Variants in PPFIBP1 observed in about 807,000 individuals in gnomAD.
PPFIBP1 encodes the protein PPFIB scaffold protein 1, also known as liprin-beta-1.
PPFIBP1 carries 112 observed loss-of-function variants against 137.8 expected under a neutral mutation model. The ratio of observed to expected loss-of-function variants is 0.81; its 90% CI spans 0.70 to 0.95. The LOEUF (loss-of-function observed/expected upper bound fraction) is 0.95. Among genes scored for constraint, PPFIBP1 ranks in the 40% least tolerant of loss-of-function variants. The pLI is 0.00. For synonymous variants in PPFIBP1, 378 were observed against 417.3 expected (o/e 0.91, Z 1.15); for missense variants, 1,083 against 1,196.6 (o/e 0.91, Z 1.40).
At chr12:27,655,264 A>G (rs1424456494) in intron 8 of PPFIBP1, 1 of 1,389,058 alleles carries the variant, frequency 7.2e-7, no homozygotes, top group African/African-American at 1.4e-5. Flanking sequence ...GATGGGGTCC[A>G]TGGCCTGTTG....
At chr12:27,544,733 C>T (rs1946050080) in intron 1 of PPFIBP1, among the ~76,000 whole-genome samples, 1 of 152,188 alleles carries the variant, frequency 6.6e-6, no homozygotes, top group African/African-American at 2.4e-5. Context: ...ATTAAATAGT[C>T]TGGAAACAAC....
chr12:27,673,228 T>G (rs1446233652), intron 15 of PPFIBP1, among the ~76,000 whole-genome samples: 2 of 152,196 alleles, frequency 1.3e-5, no homozygotes, highest in Non-Finnish European at 2.9e-5. Flanking sequence ...ATGTTTATAG[T>G]GTCTCTTTGC....
At position 27,692,624 on chromosome 12, in the gene PPFIBP1, G is replaced by A; in HGVS notation, c.2899G>A (p.Gly967Ser). The A allele has an allele frequency of 1.9e-6, 3 of 1,614,012 alleles. No homozygotes were observed. Among genetic ancestry groups the A allele is most frequent in the Non-Finnish European group, 2.5e-6 (3 of 1,179,990 alleles). Reference sequence around the variant, plus strand: ...TTCAGAAGGGACAGTGAGACAGATAGGTGCATTCTCTGAAGGCATCAACAA... The same window carrying A: ...TTCAGAAGGGACAGTGAGACAGATAAGTGCATTCTCTGAAGGCATCAACAA... The part of the protein sequence containing the change: ...EDSEGTVRQI[G>S]AFSEGINNLT... The change falls in exon 29 of 30, where the codon GGT (glycine) becomes AGT (serine). Residue 967 changes from glycine (G) to serine (S), a missense_variant. By Grantham distance (56) the Gly-to-Ser change is moderately conservative (BLOSUM62 0). Transcript: ENST00000228425.
intron 2 of PPFIBP1, among the ~76,000 whole-genome samples, chr12:27,587,386 C>T (rs2051892965): frequency 6.6e-6 from 1 of 151,992 alleles, no homozygotes; most frequent in African/African-American, 2.4e-5. Context: ...CTTTGGGAGG[C>T]CGAGGCGGGC....
chr12:27,591,149 T>A (rs2052471814), intron 2 of PPFIBP1, among the ~76,000 whole-genome samples: 1 of 151,754 alleles, frequency 6.6e-6, no homozygotes, highest in Non-Finnish European at 1.5e-5. Flanking sequence ...TTGCTAAATA[T>A]TTGTAGAAGG....
rs765472491 is a variant in PPFIBP1, at chr12:27,675,007, A to AT, written c.1410+792dup. ...TTTTTTTTCGTTTGTTTTTTTTTTT[A>AT]TTTTTTATTTTTTAAGTACAGATGA... On this transcript the variant is annotated intron_variant, in intron 17 of 29. Transcript: ENST00000228425. Among the ~76,000 whole-genome samples the AT allele has an allele frequency of 1.1e-3, 141 of 126,234 alleles. 2 individuals carry two copies. Among genetic ancestry groups the AT allele is most frequent in the Admixed American group, 7.8e-3 (98 of 12,514 alleles). 82.8% of individuals were successfully genotyped at this position (126,234 alleles called of 152,430 possible).
At chr12:27,615,958 G>A (rs1480194421) in intron 2 of PPFIBP1, among the ~76,000 whole-genome samples, 2 of 152,130 alleles carry the variant, frequency 1.3e-5, no homozygotes, top group Admixed American at 1.3e-4. Context: ...GCAATTTGGG[G>A]GAGACATTTA....
chr12:27,619,138 G>A (rs753882861), intron 2 of PPFIBP1, among the ~76,000 whole-genome samples: 12 of 151,774 alleles, frequency 7.9e-5, no homozygotes, highest in South Asian at 4.2e-4. Flanking sequence ...AGGCACAGCC[G>A]TCACTGGGTA....
At chr12:27,568,208 G>T (rs899316416) in intron 1 of PPFIBP1, among the ~76,000 whole-genome samples, 2 of 152,222 alleles carry the variant, frequency 1.3e-5, no homozygotes, top group African/African-American at 4.8e-5. Context: ...AAGAGAAGTT[G>T]TCATTAATGC....
chr12:27,664,605 A>C (rs1376491298), intron 12 of PPFIBP1, among the ~76,000 whole-genome samples, 159 bp downstream of exon 12: 1 of 150,952 alleles, frequency 6.6e-6, no homozygotes, highest in African/African-American at 2.4e-5. Context: ...TCTGCCAGAA[A>C]GTGTCCAGCC....
At chr12:27,558,262 T>TTTTTTTTTTG (rs1555192266) in intron 1 of PPFIBP1, among the ~76,000 whole-genome samples, 1 of 148,278 alleles carries the variant, frequency 6.7e-6, no homozygotes, top group East Asian at 2.0e-4. Flanking sequence ...CTGGGTTTTT[T>TTTTTTTTTTG]TTTTGTTTTG....
rs781153220 is a variant in PPFIBP1 at position 27,646,191 on chromosome 12, A to G, written c.357+43A>G. 6.0e-6 allele frequency: 9 copies of G among 1,488,372 alleles called. No homozygotes were observed. In the Admixed American group the frequency reaches 8.5e-5, roughly 14 times the overall value. The allele number at this position is 1,488,372 out of a possible 1,614,324, so 92.2% of individuals were successfully genotyped here. A position where few individuals can be genotyped will look rare whatever the true frequency, so the allele number is the denominator to read the frequency against. ...ACTGTTCTTTCCTTGCAGCATACTT[A>G]CAAAGCCTTTTAAATTGGGGTGGCA... On this transcript the variant is annotated intron_variant, in intron 5 of 29. Coordinates refer to ENST00000228425, the MANE Select transcript of PPFIBP1 (RefSeq NM_003622.4).
intron 4 of PPFIBP1, among the ~76,000 whole-genome samples, chr12:27,638,502 T>G (rs1365948849): frequency 1.0e-5 from 1 of 96,898 alleles, no homozygotes; most frequent in African/African-American, 3.3e-5. Context: ...TGTCTTGGTT[T>G]TCTGGTCTGT....
At chr12:27,640,256 C>T (rs1212234870) in intron 4 of PPFIBP1, among the ~76,000 whole-genome samples, 1 of 152,126 alleles carries the variant, frequency 6.6e-6, no homozygotes, top group Non-Finnish European at 1.5e-5. Context: ...AGAGGTTTCC[C>T]TGTTCCTTTG....
intron 2 of PPFIBP1, among the ~76,000 whole-genome samples, chr12:27,611,902 G>T (rs1565869391): frequency 6.6e-6 from 1 of 152,018 alleles, no homozygotes; most frequent in African/African-American, 2.4e-5. Context: ...AGGGGACCAC[G>T]TCTTTCCCCC....
chr12:27,617,772 G>A (rs1351081153), intron 2 of PPFIBP1, among the ~76,000 whole-genome samples: 1 of 152,138 alleles, frequency 6.6e-6, no homozygotes, highest in Non-Finnish European at 1.5e-5. Flanking sequence ...CATGGATACA[G>A]AGGGCTGACT....
At chr12:27,692,683 G>T (rs1314502574) in intron 29 of PPFIBP1, 27 bp downstream of exon 29, 1 of 1,613,988 alleles carries the variant, frequency 6.2e-7, no homozygotes, top group Non-Finnish European at 8.5e-7. Context: ...AATTGAAAAT[G>T]TTATTCTATA....
intron 1 of PPFIBP1, among the ~76,000 whole-genome samples, chr12:27,534,305 A>G (rs1944735713): frequency 6.6e-6 from 1 of 152,206 alleles, no homozygotes; most frequent in Middle Eastern, 3.4e-3. Context: ...AAAAGATGTG[A>G]TCAGAAGGGA....
At chr12:27,623,920 C>G (rs1264378720) in intron 2 of PPFIBP1, among the ~76,000 whole-genome samples, 1 of 152,098 alleles carries the variant, frequency 6.6e-6, no homozygotes, top group Non-Finnish European at 1.5e-5. Context: ...AGATGCGGAG[C>G]AGATAGCAGA....
Sources: allele counts gnomAD v4.1 joint callset (sites outside exome capture counted in the v4.1 genomes callset), GRCh38; gene constraint gnomAD v4.1.1; transcripts MANE v1.5; gene names NCBI Gene and HGNC (gene_info 2026-07-23, HGNC 2026-07-21).